Variants in AUTS2 observed in about 807,000 individuals in gnomAD.
AUTS2 encodes the protein autism susceptibility gene 2 protein.
A neutral mutation model predicts 112.4 loss-of-function variants in AUTS2; 17 were observed. That is an observed-to-expected ratio of 0.15 (90% confidence interval 0.10 to 0.23). The LOEUF (loss-of-function observed/expected upper bound fraction) is 0.23, where lower values mean the gene tolerates loss of function less well. Ranked by LOEUF, AUTS2 falls within the 10% of genes least tolerant of loss-of-function variation. The pLI is 1.00. For synonymous variants in AUTS2, 751 were observed against 702.7 expected (o/e 1.07, Z -1.09); for missense variants, 1,510 against 1,701.6 (o/e 0.89, Z 1.98).
At chr7:70,356,784 C>T (rs545334893) in intron 4 of AUTS2, among the ~76,000 whole-genome samples, 4 of 151,012 alleles carry the variant, frequency 2.6e-5, no homozygotes, top group Admixed American at 6.6e-5. Context: ...CTGGAAAATG[C>T]ATCAGTGGAG....
At chr7:69,634,363 G>A (rs1794419882) in intron 1 of AUTS2, among the ~76,000 whole-genome samples, 2 of 151,908 alleles carry the variant, frequency 1.3e-5, no homozygotes, top group Admixed American at 6.6e-5. Flanking sequence ...CTCGTGATCC[G>A]CCCGCCTCGG....
intron 1 of AUTS2, among the ~76,000 whole-genome samples, chr7:69,866,137 C>A (rs1238552191): frequency 1.3e-5 from 2 of 152,176 alleles, no homozygotes; most frequent in African/African-American, 4.8e-5. Flanking sequence ...TTAATGGTGT[C>A]TTTTGCTCCC....
At chr7:70,351,704 C>CT (rs1436787023) in intron 4 of AUTS2, among the ~76,000 whole-genome samples, 1 of 151,654 alleles carries the variant, frequency 6.6e-6, no homozygotes, top group Admixed American at 6.6e-5. Flanking sequence ...TTTCTTTTTT[C>CT]TTTTTTTTCT....
At chr7:69,993,261 G>C (rs1798811970) in intron 2 of AUTS2, among the ~76,000 whole-genome samples, 1 of 152,056 alleles carries the variant, frequency 6.6e-6, no homozygotes, top group Non-Finnish European at 1.5e-5. Flanking sequence ...GGCTATTCTT[G>C]ACTGATTGAC....
At chr7:70,180,352 G>A (rs1809230985) in intron 4 of AUTS2, among the ~76,000 whole-genome samples, 1 of 152,096 alleles carries the variant, frequency 6.6e-6, no homozygotes, top group South Asian at 2.1e-4. Flanking sequence ...CAATTTTTAA[G>A]AATTCAAGGT....
At chr7:70,238,026 A>C (rs1034067804) in intron 4 of AUTS2, among the ~76,000 whole-genome samples, 2 of 152,208 alleles carry the variant, frequency 1.3e-5, no homozygotes, top group African/African-American at 4.8e-5. Flanking sequence ...GAACTTATTA[A>C]AATGCAATAA....
intron 2 of AUTS2, among the ~76,000 whole-genome samples, chr7:70,033,948 A>G (rs546859787): frequency 3.9e-5 from 6 of 152,274 alleles, no homozygotes; most frequent in Middle Eastern, 3.4e-3. Flanking sequence ...TTTAAAAGCT[A>G]GAAGAGAGGA....
intron 4 of AUTS2, among the ~76,000 whole-genome samples, chr7:70,251,577 C>T (rs1786604710): frequency 6.6e-6 from 1 of 151,998 alleles, no homozygotes; most frequent in Non-Finnish European, 1.5e-5. Flanking sequence ...TCTCTCTTTC[C>T]CTTCCTCTTC....
chr7:70,245,424 A>G (rs1812873092), intron 4 of AUTS2, among the ~76,000 whole-genome samples: 1 of 152,108 alleles, frequency 6.6e-6, no homozygotes, highest in South Asian at 2.1e-4. Flanking sequence ...TTGCCTTGCG[A>G]ATACTTACAG....
chr7:70,211,924 T>C (rs1810926308), intron 4 of AUTS2, among the ~76,000 whole-genome samples: 1 of 152,028 alleles, frequency 6.6e-6, no homozygotes, highest in Non-Finnish European at 1.5e-5. Flanking sequence ...AGGCGGAGCT[T>C]GCAGCGAGCT....
At chr7:70,753,436 G>C (rs1788990250) in intron 6 of AUTS2, among the ~76,000 whole-genome samples, 1 of 152,104 alleles carries the variant, frequency 6.6e-6, no homozygotes, top group Non-Finnish European at 1.5e-5. Flanking sequence ...CATTCCCCCT[G>C]ATCTTCCACT....
intron 1 of AUTS2, among the ~76,000 whole-genome samples, chr7:69,834,810 T>G (rs1394893897): frequency 6.6e-6 from 1 of 152,210 alleles, no homozygotes; most frequent in Non-Finnish European, 1.5e-5. Context: ...AACATTTCCT[T>G]TTGAGCTTGG....
At chr7:70,587,686 GA>G (rs1479450914) in intron 5 of AUTS2, among the ~76,000 whole-genome samples, 1 of 152,206 alleles carries the variant, frequency 6.6e-6, no homozygotes, top group Non-Finnish European at 1.5e-5. Context: ...GTCACCCTTT[GA>G]GGTGGGTATT....
At chr7:70,578,104 A>G (rs541726035) in intron 5 of AUTS2, among the ~76,000 whole-genome samples, 8 of 152,326 alleles carry the variant, frequency 5.3e-5, no homozygotes, top group Non-Finnish European at 8.8e-5. Flanking sequence ...TGCTGGGATT[A>G]CAGGCGTGAG....
intron 2 of AUTS2, among the ~76,000 whole-genome samples, chr7:70,083,563 A>G (rs1259816577): frequency 2.0e-5 from 3 of 152,218 alleles, no homozygotes; most frequent in Admixed American, 6.5e-5. Flanking sequence ...CTTTATTGAG[A>G]TATAATTGGC....
chr7:70,776,969 T>A (rs1790742258), intron 13 of AUTS2, 134 bp from the exon 14 acceptor site: 1 of 779,210 alleles, frequency 1.3e-6, no homozygotes, highest in Admixed American at 2.1e-5. Context: ...TGGAAGGCAC[T>A]TGGAGAGTAC....
At chr7:70,533,809 G>A (rs1240068273) in intron 5 of AUTS2, among the ~76,000 whole-genome samples, 2 of 152,208 alleles carry the variant, frequency 1.3e-5, no homozygotes, top group Non-Finnish European at 2.9e-5. Context: ...GGCAAGTAAT[G>A]GCTGCTGTGT....
At chr7:69,741,945 G>A (rs1787283254) in intron 1 of AUTS2, among the ~76,000 whole-genome samples, 1 of 151,794 alleles carries the variant, frequency 6.6e-6, no homozygotes, top group Non-Finnish European at 1.5e-5. Context: ...TAGGCATGAA[G>A]CACCACGCTT....
At chr7:70,771,724 C>G (rs1483333244) in intron 11 of AUTS2, 80 bp downstream of exon 11, 1 of 1,275,410 alleles carries the variant, frequency 7.8e-7, no homozygotes, top group Non-Finnish European at 1.1e-6. Flanking sequence ...GTTCTGCGTC[C>G]TCTTGCCTGT....
Sources: allele counts gnomAD v4.1 joint callset (sites outside exome capture counted in the v4.1 genomes callset), GRCh38; gene constraint gnomAD v4.1.1; transcripts MANE v1.5; gene names NCBI Gene and HGNC (gene_info 2026-07-23, HGNC 2026-07-21).